MACROD2: variants seen among roughly 807,000 people sequenced by gnomAD.
MACROD2 encodes the protein ADP-ribose glycohydrolase MACROD2.
MACROD2 carries 36 observed loss-of-function variants against 70.4 expected under a neutral mutation model. The ratio of observed to expected loss-of-function variants is 0.51; its 90% CI spans 0.39 to 0.68. The LOEUF is 0.68. Among genes scored for constraint, MACROD2 ranks in the 30% least tolerant of loss-of-function variants. MACROD2 has a pLI of 0.00. For missense variants in MACROD2, 496 were observed against 538.4 expected, an observed-to-expected ratio of 0.92 and a Z score of 0.78; for synonymous variants, 172 against 178.8, an observed-to-expected ratio of 0.96 and a Z score of 0.30.
At chr20:15,822,585 A>G (rs1383780313) in intron 8 of MACROD2, among the ~76,000 whole-genome samples, 10 of 152,170 alleles carry the variant, frequency 6.6e-5, no homozygotes, top group Admixed American at 6.6e-4. Context: ...TTACATTTGC[A>G]TGTAAGAAGA....
At chr20:14,959,187 A>G (rs2074562457) in intron 5 of MACROD2, among the ~76,000 whole-genome samples, 3 of 152,118 alleles carry the variant, frequency 2.0e-5, no homozygotes, top group Admixed American at 2.0e-4. Flanking sequence ...GCTGGAGTGC[A>G]GTAGCGCAAT....
At chr20:14,283,269 A>G (rs769363954) in intron 3 of MACROD2, among the ~76,000 whole-genome samples, 32 of 152,246 alleles carry the variant, frequency 2.1e-4, no homozygotes, top group Non-Finnish European at 4.3e-4. Flanking sequence ...CAATAAATTT[A>G]GTGCAATGAG....
chr20:14,934,830 T>TTAAGGTA (rs2074326843), intron 5 of MACROD2: 4 of 151,912 alleles, frequency 2.6e-5, no homozygotes, highest in African/African-American at 7.2e-5. Context: ...AAGAAAAGGT[T>TTAAGGTA]TAACAAAGGG....
intron 3 of MACROD2, among the ~76,000 whole-genome samples, chr20:14,208,450 C>T (rs1199158270): frequency 6.6e-6 from 1 of 152,082 alleles, no homozygotes; most frequent in Non-Finnish European, 1.5e-5. Context: ...GGGTGGAGTT[C>T]AGTTGGCCGT....
chr20:14,657,447 G>A (rs530542385), intron 4 of MACROD2, among the ~76,000 whole-genome samples: 2 of 152,182 alleles, frequency 1.3e-5, no homozygotes, highest in South Asian at 2.1e-4. Context: ...AAGCACTGCA[G>A]GGCTATGCAT....
At chr20:15,851,823 TC>T (rs1457479546) in intron 8 of MACROD2, among the ~76,000 whole-genome samples, 14 of 152,016 alleles carry the variant, frequency 9.2e-5, no homozygotes, top group African/African-American at 3.4e-4. Flanking sequence ...CAGAACACAG[TC>T]CTCTGAGAGC....
At chr20:14,629,147 T>TTGTG (rs144773473) in intron 4 of MACROD2, among the ~76,000 whole-genome samples, 2 of 150,806 alleles carry the variant, frequency 1.3e-5, no homozygotes, top group Non-Finnish European at 3.0e-5. Context: ...TAGAGGACTT[T>TTGTG]TGTGTGTGTG....
intron 4 of MACROD2, among the ~76,000 whole-genome samples, chr20:14,544,231 C>CT (rs11318084): frequency 0.23 from 32,380 of 143,768 alleles, 3,705 homozygotes; most frequent in Non-Finnish European, 0.26. Context: ...ATGATTCCTT[C>CT]TTTTTTTTTT....
intron 8 of MACROD2, among the ~76,000 whole-genome samples, chr20:15,534,134 C>T (rs1168485811): frequency 1.3e-5 from 2 of 152,142 alleles, no homozygotes; most frequent in Non-Finnish European, 2.9e-5. Context: ...ATGCATTATA[C>T]CATGCTGATG....
intron 10 of MACROD2, among the ~76,000 whole-genome samples, chr20:15,898,919 T>C (rs2065018324): frequency 1.3e-5 from 2 of 151,874 alleles, no homozygotes; most frequent in Non-Finnish European, 2.9e-5. Context: ...CACACACACA[T>C]ATAGTATGTA....
chr20:14,812,808 A>G (rs1421112746), intron 5 of MACROD2, among the ~76,000 whole-genome samples: 1 of 152,014 alleles, frequency 6.6e-6, no homozygotes, highest in African/African-American at 2.4e-5. Context: ...AATTCACTTC[A>G]TTTCTGATGC....
intron 5 of MACROD2, among the ~76,000 whole-genome samples, chr20:14,920,774 A>G (rs895967015): frequency 3.9e-5 from 6 of 152,188 alleles, no homozygotes; most frequent in Admixed American, 1.3e-4. Flanking sequence ...CAGTGTAATG[A>G]ATGAGATTAA....
chr20:16,024,508 C>CACACAG (rs2147562183), intron 15 of MACROD2, among the ~76,000 whole-genome samples: 1 of 142,934 alleles, frequency 7.0e-6, no homozygotes, highest in Non-Finnish European at 1.6e-5. Context: ...CACACACACA[C>CACACAG]ACACAGACAC....
intron 3 of MACROD2, among the ~76,000 whole-genome samples, chr20:14,485,437 C>T (rs866523732): frequency 4.6e-5 from 7 of 152,108 alleles, no homozygotes; most frequent in Admixed American, 1.3e-4. Context: ...CGTGGTGGCT[C>T]ACGCCTGTAA....
At chr20:14,348,078 A>G (rs2083081649) in intron 3 of MACROD2, among the ~76,000 whole-genome samples, 1 of 151,978 alleles carries the variant, frequency 6.6e-6, no homozygotes, top group Non-Finnish European at 1.5e-5. Context: ...CCTGGCCAGC[A>G]TGTTGAAACC....
At position 15,083,839 on chromosome 20, in the gene MACROD2, C is replaced by T. The variant is rs190191092; in HGVS notation, c.419-146101C>T. Among the ~76,000 whole-genome samples the T allele has an allele frequency of 1.3e-4, 20 of 152,194 alleles. No individual in the cohort carries two copies. The East Asian group carries it at 3.9e-3, about 30-fold the overall frequency. On this transcript the variant is annotated intron_variant, in intron 5 of 17. Transcript: ENST00000684519. ...GAAACAGATTTATTTCATATTCTTC[C>T]TTTGACTATTCAAACATAGACCACC...
At chr20:14,394,798 C>T (rs2083564352) in intron 3 of MACROD2, among the ~76,000 whole-genome samples, 1 of 152,106 alleles carries the variant, frequency 6.6e-6, no homozygotes, top group Non-Finnish European at 1.5e-5. Context: ...TTTCCTTAAT[C>T]AGGTATTGAT....
chr20:14,190,463 C>G (rs564200927), intron 3 of MACROD2, among the ~76,000 whole-genome samples: 5 of 151,446 alleles, frequency 3.3e-5, no homozygotes, highest in Non-Finnish European at 7.4e-5. Context: ...CATGGGATAA[C>G]ATGTGTAATT....
intron 4 of MACROD2, among the ~76,000 whole-genome samples, chr20:14,563,916 G>C (rs1979605429): frequency 6.6e-6 from 1 of 151,910 alleles, no homozygotes; most frequent in Non-Finnish European, 1.5e-5. Context: ...AAAGGATAAA[G>C]CTGGTGGTGT....
Sources: gnomAD v4.1 joint callset for allele counts (sites outside exome capture counted in the v4.1 genomes callset) on GRCh38, gnomAD v4.1.1 for gene constraint, MANE v1.5 for transcripts, NCBI Gene and HGNC (gene_info 2026-07-23, HGNC 2026-07-21) for gene names.